Variants in FOXP1 observed in about 807,000 individuals in gnomAD.
FOXP1 encodes forkhead box protein P1.
A neutral mutation model predicts 98.2 loss-of-function variants in FOXP1; 15 were observed. The observed-to-expected ratio is 0.15, with a 90% CI of 0.10 to 0.24. The LOEUF (loss-of-function observed/expected upper bound fraction) is 0.24. Ranked by LOEUF, FOXP1 falls within the 10% of genes least tolerant of loss-of-function variation. The probability of loss-of-function intolerance (pLI) is 1.00; values close to 1 mark genes in which losing one functional copy is unlikely to be tolerated. For missense variants in FOXP1, 633 were observed against 848.5 expected, an observed-to-expected ratio of 0.75 and a Z score of 3.15; for synonymous variants, 371 against 314.5, an observed-to-expected ratio of 1.18 and a Z score of -1.90.
chr3:71,136,856 G>A (rs1312202611), intron 6 of FOXP1, among the ~76,000 whole-genome samples: 1 of 151,766 alleles, frequency 6.6e-6, no homozygotes, highest in Non-Finnish European at 1.5e-5. Context: ...AAGTATATAT[G>A]TACATGGCTA....
intron 2 of FOXP1, chr3:71,574,070 G>A (rs2047543926): frequency 6.6e-6 from 1 of 152,272 alleles, no homozygotes; most frequent in African/African-American, 2.4e-5. Context: ...TTATGCAGTA[G>A]TAGAGACACT....
chr3:71,495,102 G>T (rs1042271830), intron 2 of FOXP1, among the ~76,000 whole-genome samples: 2 of 152,102 alleles, frequency 1.3e-5, no homozygotes, highest in Admixed American at 6.5e-5. Context: ...TATAATCAAT[G>T]TAGATACAGT....
intron 12 of FOXP1, among the ~76,000 whole-genome samples, chr3:71,003,947 T>C (rs1050581278): frequency 6.6e-6 from 1 of 152,172 alleles, no homozygotes; most frequent in African/African-American, 2.4e-5. Context: ...CGTGCTCAAC[T>C]TGGGAGTTCA....
intron 6 of FOXP1, among the ~76,000 whole-genome samples, chr3:71,170,115 A>C (rs1282606856): frequency 6.6e-6 from 1 of 152,210 alleles, no homozygotes; most frequent in Non-Finnish European, 1.5e-5. Flanking sequence ...TATCTTCAGC[A>C]AACTTAGTAA....
intron 18 of FOXP1, chr3:70,971,339 G>A (rs17651978): frequency 0.17 from 29,040 of 166,052 alleles, 3,417 homozygotes; most frequent in Non-Finnish European, 0.26. Context: ...GGGGAGGGTC[G>A]TTCCTAAATA....
intron 4 of FOXP1, among the ~76,000 whole-genome samples, chr3:71,318,785 A>T (rs936806694): frequency 1.3e-5 from 2 of 152,230 alleles, no homozygotes; most frequent in Non-Finnish European, 2.9e-5. Flanking sequence ...AAGATAACTT[A>T]AAGATAAACT....
At chr3:70,988,237 G>A (rs2040070198) in intron 13 of FOXP1, among the ~76,000 whole-genome samples, 160 bp from the exon 14 acceptor site, 1 of 152,140 alleles carries the variant, frequency 6.6e-6, no homozygotes, top group South Asian at 2.1e-4. Flanking sequence ...TGCCAAACTC[G>A]AAGTAACCGG....
intron 18 of FOXP1, 59 bp from the exon 19 acceptor site, chr3:70,970,864 C>A: frequency 7.3e-7 from 1 of 1,366,592 alleles, no homozygotes; most frequent in Non-Finnish European, 1.0e-6. Context: ...GAGTTCCTAG[C>A]TAAGTTTTGT....
At chr3:71,556,692 A>T (rs2107702920) in intron 2 of FOXP1, among the ~76,000 whole-genome samples, 1 of 151,110 alleles carries the variant, frequency 6.6e-6, no homozygotes, top group East Asian at 1.9e-4. Context: ...TTTTATTGTA[A>T]CTCTTCTTAC....
intron 4 of FOXP1, among the ~76,000 whole-genome samples, chr3:71,345,395 TATACAC>T (rs775408090): frequency 0.036 from 1,818 of 50,344 alleles, 37 homozygotes; most frequent in African/African-American, 0.071. Flanking sequence ...CTCAAATATA[TATACAC>T]ACACACACAC....
At chr3:70,988,226 T>A in intron 13 of FOXP1, 149 bp from the exon 14 acceptor site, 1 of 785,498 alleles carries the variant, frequency 1.3e-6, no homozygotes, top group Admixed American at 2.1e-5. Context: ...TACATGACCA[T>A]TGCCAAACTC....
At chr3:71,372,097 C>T (rs1440462886) in intron 3 of FOXP1, among the ~76,000 whole-genome samples, 3 of 151,800 alleles carry the variant, frequency 2.0e-5, no homozygotes, top group African/African-American at 7.3e-5. Context: ...ACTGCAACCT[C>T]GGCCTCCAGG....
intron 3 of FOXP1, among the ~76,000 whole-genome samples, chr3:71,412,001 G>A (rs185722603): frequency 3.0e-4 from 46 of 152,342 alleles, no homozygotes; most frequent in Admixed American, 5.2e-4. Context: ...GATGAAGAAT[G>A]TTGTTATTAC....
At chr3:71,322,479 C>T (rs2075447045) in intron 4 of FOXP1, among the ~76,000 whole-genome samples, 1 of 152,140 alleles carries the variant, frequency 6.6e-6, no homozygotes, top group South Asian at 2.1e-4. Flanking sequence ...ACATTTTAAC[C>T]TACTGTGATA....
At chr3:70,993,463 C>T (rs1469460950) in intron 13 of FOXP1, among the ~76,000 whole-genome samples, 1 of 152,214 alleles carries the variant, frequency 6.6e-6, no homozygotes, top group African/African-American at 2.4e-5. Context: ...CTGGGTTAAC[C>T]TCCTGGGCTC....
intron 3 of FOXP1, among the ~76,000 whole-genome samples, chr3:71,425,590 A>G (rs73837164): frequency 0.016 from 2,460 of 152,246 alleles, 68 homozygotes; most frequent in African/African-American, 0.053. Context: ...GGCAAAATAA[A>G]TGCTTAATAA....
At chr3:71,508,807 G>GC (rs1308106384) in intron 2 of FOXP1, among the ~76,000 whole-genome samples, 1 of 152,168 alleles carries the variant, frequency 6.6e-6, no homozygotes, top group African/African-American at 2.4e-5. Flanking sequence ...AGTGATACCT[G>GC]CCTTGGAATT....
At chr3:71,141,001 G>T (rs2060041691) in intron 6 of FOXP1, among the ~76,000 whole-genome samples, 1 of 151,816 alleles carries the variant, frequency 6.6e-6, no homozygotes, top group Non-Finnish European at 1.5e-5. Context: ...GGGCGTGGTG[G>T]TTCATGCCTG....
At chr3:71,203,080 C>G (rs1315790763) in intron 5 of FOXP1, among the ~76,000 whole-genome samples, 1 of 152,148 alleles carries the variant, frequency 6.6e-6, no homozygotes, top group Admixed American at 6.5e-5. Flanking sequence ...TGCCTGAATA[C>G]AAAGGTATGG....
Sources: allele counts gnomAD v4.1 joint callset (sites outside exome capture counted in the v4.1 genomes callset), GRCh38; gene constraint gnomAD v4.1.1; transcripts MANE v1.5; gene names NCBI Gene and HGNC (gene_info 2026-07-23, HGNC 2026-07-21).